XPO6: variants seen among roughly 807,000 people sequenced by gnomAD.
The protein encoded by XPO6 is exportin-6.
XPO6 carries 3 observed loss-of-function variants against 130.0 expected under a neutral mutation model. That is an observed-to-expected ratio of 0.02 (90% CI 0.01 to 0.06). The LOEUF is 0.06. Ranked by LOEUF, XPO6 falls within the 10% of genes least tolerant of loss-of-function variation. The probability of loss-of-function intolerance (pLI) is 1.00; values close to 1 mark genes in which losing one functional copy is unlikely to be tolerated. For missense variants in XPO6, 970 were observed against 1,393.0 expected, an observed-to-expected ratio of 0.70 and a Z score of 4.83; for synonymous variants, 524 against 548.9, an observed-to-expected ratio of 0.95 and a Z score of 0.63.
chr16:28,136,277 C>T (rs1308503788), intron 9 of XPO6, among the ~76,000 whole-genome samples: 3 of 152,160 alleles, frequency 2.0e-5, no homozygotes, highest in South Asian at 4.1e-4. Context: ...TGAAGTGCAA[C>T]GGCGCAATCT....
intron 7 of XPO6, chr16:28,153,187 TA>T (rs2043124628): frequency 1.0e-6 from 1 of 998,594 alleles, no homozygotes; most frequent in African/African-American, 1.7e-5. Context: ...TGAATGGTGC[TA>T]AAGACACAAA....
At chr16:28,201,872 A>G (rs902420438) in intron 1 of XPO6, among the ~76,000 whole-genome samples, 2 of 152,204 alleles carry the variant, frequency 1.3e-5, no homozygotes, top group African/African-American at 4.8e-5. Flanking sequence ...AATAATAATA[A>G]TAATAATGTA....
At chr16:28,112,263 G>A (rs931562754) in intron 16 of XPO6, among the ~76,000 whole-genome samples, 1 of 152,156 alleles carries the variant, frequency 6.6e-6, no homozygotes, top group Admixed American at 6.5e-5. Flanking sequence ...TCTGATACTT[G>A]AAGTATTAGA....
At chr16:28,115,695 A>C (rs1433115747) in intron 15 of XPO6, among the ~76,000 whole-genome samples, 2 of 152,208 alleles carry the variant, frequency 1.3e-5, no homozygotes, top group East Asian at 1.9e-4. Flanking sequence ...TGTCCTCTGA[A>C]GCCAGGCACT....
At chr16:28,201,228 T>C (rs1402215632) in intron 1 of XPO6, among the ~76,000 whole-genome samples, 2 of 152,198 alleles carry the variant, frequency 1.3e-5, no homozygotes, top group East Asian at 1.9e-4. Flanking sequence ...GCATGGATTT[T>C]GGAAATACAA....
At chr16:28,154,474 A>T (rs1467309287) in intron 7 of XPO6, 1 of 205,678 alleles carries the variant, frequency 4.9e-6, no homozygotes, top group African/African-American at 2.4e-5. Context: ...AGGGAAAGAG[A>T]AGCCAAGGAT....
At chr16:28,172,929 G>T (rs1283952077) in intron 4 of XPO6, 1 of 152,016 alleles carries the variant, frequency 6.6e-6, no homozygotes, top group Non-Finnish European at 1.5e-5. Context: ...TGTATCCAAG[G>T]GTTCAAACAA....
chr16:28,112,314 G>A (rs536726721), intron 16 of XPO6, among the ~76,000 whole-genome samples: 1 of 152,294 alleles, frequency 6.6e-6, no homozygotes, highest in Admixed American at 6.5e-5. Flanking sequence ...CTCAGGCATT[G>A]TTCAGCTGGT....
chr16:28,184,775 G>A (rs919472496), intron 1 of XPO6, among the ~76,000 whole-genome samples: 2 of 152,116 alleles, frequency 1.3e-5, no homozygotes, highest in African/African-American at 4.8e-5. Flanking sequence ...AAATTTAAAC[G>A]ACTGACAATA....
chr16:28,181,114 AG>A, intron 1 of XPO6, 83 bp from the exon 2 acceptor site: 1 of 1,017,302 alleles, frequency 9.8e-7, no homozygotes. Context: ...CACATTCAAC[AG>A]CAAGAGCAAT....
chr16:28,160,251 C>A (rs1418283103), intron 6 of XPO6, among the ~76,000 whole-genome samples: 1 of 148,236 alleles, frequency 6.7e-6, no homozygotes, highest in Non-Finnish European at 1.5e-5. Flanking sequence ...CACCTGTAAT[C>A]CCAGCACTTT....
chr16:28,135,328 T>C lies in XPO6; in HGVS notation c.1335-4A>G, dbSNP rs375802037. 5.0e-6 allele frequency: 8 copies of C among 1,612,762 alleles called. No homozygotes were observed. Among genetic ancestry groups the C allele is most frequent in the Admixed American group, 1.7e-5 (1 of 59,880 alleles). Reference sequence around the variant, plus strand: ...GAGCACCAGGGCATCTTCGTACCTATGTGGCAGGGAGAAATTCAACATTGA... The same window carrying C: ...GAGCACCAGGGCATCTTCGTACCTACGTGGCAGGGAGAAATTCAACATTGA... On this transcript the variant is annotated splice_polypyrimidine_tract_variant and splice_region_variant and intron_variant, in intron 9 of 23. Coordinates refer to ENST00000304658, the MANE Select transcript of XPO6 (RefSeq NM_015171.4).
chr16:28,104,410 G>T, intron 21 of XPO6, 136 bp downstream of exon 21: 1 of 1,160,602 alleles, frequency 8.6e-7, no homozygotes, highest in Non-Finnish European at 1.2e-6. Context: ...GAGGCTCCAA[G>T]AAATTAATTA....
At chr16:28,201,949 T>G (rs1232370857) in intron 1 of XPO6, among the ~76,000 whole-genome samples, 1 of 152,112 alleles carries the variant, frequency 6.6e-6, no homozygotes, top group African/African-American at 2.4e-5. Flanking sequence ...AATACCAAAC[T>G]ATAATCGAAG....
intron 14 of XPO6, among the ~76,000 whole-genome samples, chr16:28,117,757 A>G (rs964586877): frequency 1.3e-5 from 2 of 152,216 alleles, no homozygotes; most frequent in African/African-American, 4.8e-5. Context: ...TATAAAAGCA[A>G]AATCAAAGAA....
chr16:28,106,009 G>A lies in XPO6; in HGVS notation c.2784+34C>T. ...CATTCCCTTCCCAATCTGGAGATGG[G>A]GGGTGCTGCACAGGGGACCGTCTGA... On this transcript the variant is annotated intron_variant, in intron 20 of 23. Transcript: ENST00000304658. This position sits in a 1 kb window ranked among gnomAD's most constrained non-coding sequence, Gnocchi z 4.2. 1 of 1,591,042 alleles carries A rather than the reference G, an allele frequency of 6.3e-7. No homozygotes were observed. The highest frequency in any genetic ancestry group is 1.1e-5 in the South Asian group (1 of 90,252).
intron 9 of XPO6, among the ~76,000 whole-genome samples, chr16:28,143,074 A>C (rs2042923724): frequency 6.6e-6 from 1 of 152,236 alleles, no homozygotes; most frequent in Admixed American, 6.5e-5. Context: ...AAAAAGAATA[A>C]ATCATGAAAA....
intron 4 of XPO6, among the ~76,000 whole-genome samples, chr16:28,175,379 G>A (rs990295627): frequency 1.3e-5 from 2 of 151,922 alleles, no homozygotes; most frequent in African/African-American, 4.8e-5. Context: ...GAAAAACTAC[G>A]AATTGCACAA....
chr16:28,144,021 T>C (rs553450713), intron 9 of XPO6, among the ~76,000 whole-genome samples: 1 of 152,366 alleles, frequency 6.6e-6, no homozygotes, highest in African/African-American at 2.4e-5. Context: ...AAGGAATATC[T>C]ACCACTAAAT....
Sources: gnomAD v4.1 joint callset for allele counts (sites outside exome capture counted in the v4.1 genomes callset) on GRCh38, gnomAD v4.1.1 for gene constraint, Gnocchi (gnomAD v3.1) non-coding constraint, MANE v1.5 for transcripts, NCBI Gene and HGNC (gene_info 2026-07-23, HGNC 2026-07-21) for gene names.